ATP11C: variants seen among roughly 807,000 people sequenced by gnomAD.
ATP11C encodes ATPase phospholipid transporting 11C (ATP11C blood group), also known as phospholipid-transporting ATPase IG.
ATP11C carries 36 observed loss-of-function variants against 97.4 expected under a neutral mutation model. The ratio of observed to expected loss-of-function variants is 0.37; its 90% CI spans 0.28 to 0.49. The LOEUF (loss-of-function observed/expected upper bound fraction) is 0.49, where lower values mean the gene tolerates loss of function less well. Ranked by LOEUF, ATP11C falls within the 20% of genes least tolerant of loss-of-function variation. The pLI is 0.98. For missense variants in ATP11C, 730 were observed against 824.6 expected (o/e 0.89, Z 1.40); for synonymous variants, 275 against 290.9 (o/e 0.95, Z 0.56).
At chrX:139,806,789 C>A (rs767891580) in intron 5 of ATP11C, among the ~76,000 whole-genome samples, 1 of 111,156 alleles carries the variant, frequency 9.0e-6, no homozygotes, top group Non-Finnish European at 1.9e-5. Flanking sequence ...GAAATAGGCA[C>A]AAAAAAACCA....
chrX:139,737,229 G>A (rs746160740), intron 28 of ATP11C, among the ~76,000 whole-genome samples: 6 of 111,010 alleles, frequency 5.4e-5, no homozygotes, highest in African/African-American at 1.6e-4. Context: ...TCCCTATTTC[G>A]CTTTAAAGGC....
intron 1 of ATP11C, among the ~76,000 whole-genome samples, chrX:139,915,233 G>A (rs2085136880): frequency 8.9e-6 from 1 of 111,749 alleles, no homozygotes; most frequent in Non-Finnish European, 1.9e-5. Context: ...TACTATCATT[G>A]CTGAATATCT....
rs767082166 is a variant in ATP11C at position 139,822,259 on chromosome X, C to T, written c.148-2832G>A. On this transcript the variant is annotated intron_variant, in intron 2 of 29. Transcript: ENST00000682941. ...TCACCCAGGCTGGAGTGCGGTAGCG[C>T]GTTCCCAGCTCACTGCAGCCTCTGC... Among the ~76,000 whole-genome samples the T allele has an allele frequency of 4.4e-5, 5 of 112,427 alleles. No individual in the cohort carries two copies. In the South Asian group the frequency reaches 1.8e-3, roughly 41 times the overall value.
chrX:139,919,173 G>A (rs1169721715), intron 1 of ATP11C, among the ~76,000 whole-genome samples: 3 of 109,433 alleles, frequency 2.7e-5, no homozygotes, highest in Non-Finnish European at 3.8e-5. Context: ...AACCCGGGAG[G>A]CAGACATGGC....
Position 139,804,473 on chromosome X carries a change from T to G in ATP11C, c.553A>C (p.Lys185Gln). 1 of 1,204,124 alleles carries G rather than the reference T, an allele frequency of 8.3e-7. No homozygotes were observed. The highest frequency in any genetic ancestry group is 1.1e-6 in the Non-Finnish European group (1 of 891,348). Residue 185 changes from lysine (K) to glutamine (Q), a missense_variant and splice_region_variant, in exon 6 of 30, where the codon AAG becomes CAG. Lys to Gln is a moderately conservative substitution (Grantham distance 53). Coordinates refer to ENST00000682941, the MANE Select transcript of ATP11C (RefSeq NM_001353812.2). ...TTAGGCAAGGTTTAGTCTGTTACCT[T>G]GCAATTGGATTCCCCATCAAGACTG... ...TASLDGESNCKTHYAVRDTIA... is the reference protein window; with the variant it reads ...TASLDGESNCQTHYAVRDTIA...
intron 1 of ATP11C, among the ~76,000 whole-genome samples, chrX:139,889,504 TTATA>T (rs1382983298): frequency 8.9e-6 from 1 of 111,770 alleles, no homozygotes; most frequent in African/African-American, 3.3e-5. Context: ...TGATTACAAT[TTATA>T]TAATTTTGTC....
chrX:139,934,026 G>C (rs754416744), upstream of ATP11C, among the ~76,000 whole-genome samples: 1 of 111,781 alleles, frequency 8.9e-6, no homozygotes, highest in South Asian at 3.7e-4. Flanking sequence ...AAAAGCCCTG[G>C]AGATTAAACT....
At chrX:139,828,910 A>G (rs917260362) in intron 1 of ATP11C, among the ~76,000 whole-genome samples, 2 of 112,431 alleles carry the variant, frequency 1.8e-5, no homozygotes, top group African/African-American at 6.5e-5. Flanking sequence ...AAAGCACAAT[A>G]CAATTTTTTT....
At chrX:139,742,834 A>T (rs1464563204) in intron 26 of ATP11C, among the ~76,000 whole-genome samples, 2 of 88,904 alleles carry the variant, frequency 2.2e-5, no homozygotes, top group Non-Finnish European at 4.4e-5. Context: ...CATTTTATAT[A>T]TTTTTATTTT....
At chrX:139,899,141 G>A (rs1366022412) in intron 1 of ATP11C, among the ~76,000 whole-genome samples, 1 of 111,346 alleles carries the variant, frequency 9.0e-6, no homozygotes, top group African/African-American at 3.3e-5. Flanking sequence ...AGGAAAGTCT[G>A]AGAAACTGTC....
intron 10 of ATP11C, 138 bp downstream of exon 10, chrX:139,798,135 C>G: frequency 2.0e-6 from 1 of 512,613 alleles, no homozygotes; most frequent in Non-Finnish European, 3.2e-6. Context: ...AGCACAGTTT[C>G]TGGTACATAA....
intron 28 of ATP11C, among the ~76,000 whole-genome samples, chrX:139,732,214 T>C (rs2081359419): frequency 9.0e-6 from 1 of 111,204 alleles, no homozygotes. Flanking sequence ...CGTGGATCAA[T>C]GAAGACTACA....
intron 1 of ATP11C, among the ~76,000 whole-genome samples, chrX:139,921,617 A>G (rs1185066778): frequency 8.9e-6 from 1 of 112,110 alleles, no homozygotes; most frequent in Non-Finnish European, 1.9e-5. Context: ...ATGCAGTCAG[A>G]TCTGAAAGTC....
At chrX:139,884,676 T>G (rs2084612430) in intron 1 of ATP11C, among the ~76,000 whole-genome samples, 1 of 111,899 alleles carries the variant, frequency 8.9e-6, no homozygotes, top group Non-Finnish European at 1.9e-5. Flanking sequence ...GTAAATACCT[T>G]GTGTTATTTT....
At chrX:139,748,041 C>T (rs1301498134) in intron 24 of ATP11C, among the ~76,000 whole-genome samples, 2 of 112,116 alleles carry the variant, frequency 1.8e-5, no homozygotes, top group Non-Finnish European at 3.8e-5. Flanking sequence ...ATATTTTGTA[C>T]TCAACAGCTT....
chrX:139,843,381 A>G lies in ATP11C; in HGVS notation c.28-16558T>C, dbSNP rs747477789. ...ACAGGCCTAGCCCCAAAATCAGAGT[A>G]TCATTTAGAGTCATTTGAGATCACC... On this transcript the variant is annotated intron_variant, in intron 1 of 29. Transcript: ENST00000682941. Among the ~76,000 whole-genome samples the G allele has an allele frequency of 5.3e-5, 6 of 112,304 alleles. No individual in the cohort carries two copies. In the East Asian group the frequency reaches 1.7e-3, roughly 31 times the overall value.
At chrX:139,834,814 G>A (rs993784337) in intron 1 of ATP11C, among the ~76,000 whole-genome samples, 2 of 111,691 alleles carry the variant, frequency 1.8e-5, no homozygotes, top group Non-Finnish European at 3.8e-5. Context: ...TAGAGAAAGG[G>A]GAAGCCCACC....
At chrX:139,890,113 T>C (rs890566099) in intron 1 of ATP11C, among the ~76,000 whole-genome samples, 1 of 111,310 alleles carries the variant, frequency 9.0e-6, no homozygotes, top group African/African-American at 3.3e-5. Context: ...GACAACAGGG[T>C]GGGAGAAGAT....
At chrX:139,887,622 GA>G (rs1298866961) in intron 1 of ATP11C, among the ~76,000 whole-genome samples, 14 of 109,256 alleles carry the variant, frequency 1.3e-4, no homozygotes, top group Middle Eastern at 4.8e-3. Flanking sequence ...GGCCCTGTCT[GA>G]AAAAAACAGA....
Sources: gnomAD v4.1 joint callset for allele counts (sites outside exome capture counted in the v4.1 genomes callset) on GRCh38, gnomAD v4.1.1 for gene constraint, MANE v1.5 for transcripts, NCBI Gene and HGNC (gene_info 2026-07-23, HGNC 2026-07-21) for gene names.